Variants in WDR76 observed in about 807,000 individuals in gnomAD.
The protein encoded by WDR76 is WD repeat-containing protein 76.
In WDR76, 52 loss-of-function variants were observed where a neutral mutation model predicts 70.2. The observed-to-expected ratio is 0.74, with a 90% CI of 0.59 to 0.93. The LOEUF (loss-of-function observed/expected upper bound fraction) is 0.93, where lower values mean the gene tolerates loss of function less well. WDR76 is among the 40% of genes least tolerant of loss of function. The pLI is 0.00. For missense variants in WDR76, 756 were observed against 760.2 expected (o/e 0.99, Z 0.07); for synonymous variants, 292 against 271.1 (o/e 1.08, Z -0.76).
chr15:43,857,036 A>G lies in WDR76; in HGVS notation c.1282A>G (p.Met428Val). Residue 428 changes from methionine (M) to valine (V), a missense_variant, in exon 10 of 13, where the codon ATG becomes GTG. Coordinates refer to ENST00000263795, the MANE Select transcript of WDR76 (RefSeq NM_024908.4). The stretch of plus-strand genomic sequence containing the variant: ...AATAGTAGGACACTGGGATGGAAAT[A>G]TGTCACTGGTGGATAGACGGACACC... ...TLIVGHWDGN[M>V]SLVDRRTPGT... is the part of the protein sequence containing the mutation. 1.2e-6 allele frequency: 2 copies of G among 1,614,144 alleles called. No homozygotes were observed. Among genetic ancestry groups the G allele is most frequent in the Non-Finnish European group, 1.7e-6 (2 of 1,180,006 alleles).
Position 43,851,098 on chromosome 15 carries a change from T to C in WDR76, c.1044T>C (p.Pro348=), listed in dbSNP as rs1341480142. 2 of 1,614,092 alleles carry C rather than the reference T, an allele frequency of 1.2e-6. No individual in the cohort carries two copies. The highest frequency in any genetic ancestry group is 2.2e-5 in the South Asian group (2 of 91,074). Residue 348 remains proline (P), a synonymous_variant, in exon 9 of 13, where the codon CCT becomes CCC. Coordinates refer to ENST00000263795, the MANE Select transcript of WDR76 (RefSeq NM_024908.4). ...CAACTCTCTTCCAGACCCAGCAACCTAAAGAAGATGGAGTTTATGTTTTTC... is the reference window on the plus strand; with the variant it reads ...CAACTCTCTTCCAGACCCAGCAACCCAAAGAAGATGGAGTTTATGTTTTTC... ...QVGLCDLTQQ[P]KEDGVYVFHP...
chr15:43,844,816 T>C (rs2087767272), intron 8 of WDR76, among the ~76,000 whole-genome samples: 1 of 144,050 alleles, frequency 6.9e-6, no homozygotes, highest in Non-Finnish European at 1.5e-5. Flanking sequence ...TAGTCCCAGC[T>C]ACTCGGGAGG....
chr15:43,839,669 C>A lies in WDR76; in HGVS notation c.673C>A (p.Pro225Thr). The change falls in exon 5 of 13, where the codon CCT becomes ACT. Residue 225 changes from proline to threonine, a missense_variant. Coordinates refer to ENST00000263795, the MANE Select transcript of WDR76 (RefSeq NM_024908.4). The stretch of plus-strand genomic sequence containing the variant: ...GTCAATGCGATTACTAAAAGTTGAT[C>A]CTTCGGGAGTTTCATTACCAGCAGC... ...RRSMRLLKVD[P>T]SGVSLPAAPT... 1 of 1,612,390 alleles carries A rather than the reference C, an allele frequency of 6.2e-7. No individual in the cohort carries two copies. Among genetic ancestry groups the A allele is most frequent in the Non-Finnish European group, 8.5e-7 (1 of 1,178,952 alleles).
Position 43,828,099 on chromosome 15 carries a change from G to T in WDR76, c.195G>T (p.Met65Ile), listed in dbSNP as rs149587429. The T allele has an allele frequency of 6.5e-5, 105 of 1,614,122 alleles. No homozygotes were observed. The African/African-American group carries it at 1.3e-3, about 19-fold the overall frequency. The change falls in exon 2 of 13, where the codon ATG (methionine) becomes ATT (isoleucine). Residue 65 changes from methionine to isoleucine, a missense_variant. Physicochemically the swap from Met to Ile is conservative, Grantham distance 10. Coordinates refer to ENST00000263795, the MANE Select transcript of WDR76 (RefSeq NM_024908.4). Reference sequence around the variant, plus strand: ...GTAATTACCAGCTAGACCAGCTTATGTGCCCCAAATCCCTATCAGAAAAGA... The same window carrying T: ...GTAATTACCAGCTAGACCAGCTTATTTGCCCCAAATCCCTATCAGAAAAGA... Reference protein sequence around the residue: ...SLSNYQLDQLMCPKSLSEKNS... With the variant: ...SLSNYQLDQLICPKSLSEKNS...
Position 43,849,876 on chromosome 15 carries a change from A to G in WDR76, c.1033-1211A>G, listed in dbSNP as rs539223930. On this transcript the variant is annotated intron_variant, in intron 8 of 12. Transcript: ENST00000263795. The stretch of plus-strand genomic sequence containing the variant: ...AACTTCCATCTTTGTACATTTCTGC[A>G]TTGTTTGAGTTCTTTATACCAAGAG... Among the ~76,000 whole-genome samples the G allele has an allele frequency of 2.0e-5, 3 of 152,236 alleles. No individual in the cohort carries two copies. The East Asian group carries it at 5.8e-4, about 29-fold the overall frequency.
At chr15:43,839,198 C>T (rs2087692574) in intron 4 of WDR76, among the ~76,000 whole-genome samples, 1 of 152,122 alleles carries the variant, frequency 6.6e-6, no homozygotes, top group African/African-American at 2.4e-5. Context: ...GGCCTTTTCC[C>T]TAGAAGTAGT....
At chr15:43,861,706 C>A (rs936229780) in intron 12 of WDR76, among the ~76,000 whole-genome samples, 2 of 152,142 alleles carry the variant, frequency 1.3e-5, no homozygotes, top group Non-Finnish European at 2.9e-5. Flanking sequence ...TACTCACTTG[C>A]TGATGAGGCT....
intron 8 of WDR76, among the ~76,000 whole-genome samples, chr15:43,847,834 G>T (rs995722482): frequency 6.6e-6 from 1 of 152,150 alleles, no homozygotes; most frequent in Non-Finnish European, 1.5e-5. Flanking sequence ...TGCGATTACA[G>T]GCGTGAGCCA....
At chr15:43,853,469 G>C (rs563788015) in intron 9 of WDR76, among the ~76,000 whole-genome samples, 3 of 152,232 alleles carry the variant, frequency 2.0e-5, no homozygotes, top group East Asian at 3.9e-4. Flanking sequence ...GGTATTACAG[G>C]CATGAGCCAC....
chr15:43,864,843 C>T (rs948495485), intron 12 of WDR76, among the ~76,000 whole-genome samples: 17 of 152,244 alleles, frequency 1.1e-4, no homozygotes, highest in Admixed American at 1.1e-3. Flanking sequence ...ATCCACCTTC[C>T]TCAGCCCCGC....
At chr15:43,849,643 A>G (rs1229567974) in intron 8 of WDR76, among the ~76,000 whole-genome samples, 2 of 152,104 alleles carry the variant, frequency 1.3e-5, no homozygotes, top group South Asian at 2.1e-4. Context: ...GGTTCAAGCA[A>G]TTCTCTGCCT....
chr15:43,839,362 T>C (rs1257076781), intron 4 of WDR76, among the ~76,000 whole-genome samples: 1 of 152,248 alleles, frequency 6.6e-6, no homozygotes. Context: ...ATTCTTTTTA[T>C]GGCTGCGTAT....
intron 2 of WDR76, 65 bp from the exon 3 acceptor site, chr15:43,834,996 T>C: frequency 7.4e-7 from 1 of 1,346,880 alleles, no homozygotes; most frequent in South Asian, 1.2e-5. Flanking sequence ...AAACATGTAG[T>C]TTTGTGAAGT....
chr15:43,829,613 T>C (rs2087562235), intron 2 of WDR76, among the ~76,000 whole-genome samples: 1 of 149,904 alleles, frequency 6.7e-6, no homozygotes, highest in Non-Finnish European at 1.5e-5. Context: ...TTCACACCAT[T>C]CTCCTGCCTC....
At chr15:43,830,562 CAAAA>C (rs1244207750) in intron 2 of WDR76, among the ~76,000 whole-genome samples, 4 of 49,242 alleles carry the variant, frequency 8.1e-5, no homozygotes, top group Non-Finnish European at 1.3e-4. Flanking sequence ...AACTCCGTCT[CAAAA>C]AAAAAAAAAA....
Position 43,851,144 on chromosome 15 carries a change from A to G in WDR76, c.1090A>G (p.Ser364Gly). 6.2e-7 allele frequency: 1 copy of G among 1,614,126 alleles called. No homozygotes were observed. Among genetic ancestry groups the G allele is most frequent in the South Asian group, 1.1e-5 (1 of 91,078 alleles). Reference sequence around the variant, plus strand: ...TTTTCATCCCCATAGTCAGCCAGTTAGCTGTCTTTACTTCTCACCCGCCAA... The same window carrying G: ...TTTTCATCCCCATAGTCAGCCAGTTGGCTGTCTTTACTTCTCACCCGCCAA... ...YVFHPHSQPVSCLYFSPANPA... is the reference protein window; with the variant it reads ...YVFHPHSQPVGCLYFSPANPA... Residue 364 changes from serine (S) to glycine (G), a missense_variant, in exon 9 of 13, where the codon AGC becomes GGC. Transcript: ENST00000263795.
chr15:43,831,411 T>C (rs1342422666), intron 2 of WDR76, among the ~76,000 whole-genome samples: 1 of 151,920 alleles, frequency 6.6e-6, no homozygotes, highest in East Asian at 1.9e-4. Flanking sequence ...AGTGCTGGGA[T>C]TACAGATGTG....
intron 8 of WDR76, among the ~76,000 whole-genome samples, chr15:43,849,726 C>T (rs1010222453): frequency 1.3e-5 from 2 of 151,942 alleles, no homozygotes; most frequent in South Asian, 2.1e-4. Flanking sequence ...TTAGTAGAGA[C>T]GGGGTTTCAC....
intron 7 of WDR76, among the ~76,000 whole-genome samples, chr15:43,843,007 CTTTTTCTTTTTTT>C (rs1170443962): frequency 7.5e-6 from 1 of 133,616 alleles, no homozygotes; most frequent in Non-Finnish European, 1.6e-5. Flanking sequence ...ACACTTTTTT[CTTTTTCTTTTTTT>C]TTTTTTTTTT....
Sources: gnomAD v4.1 joint callset for allele counts (sites outside exome capture counted in the v4.1 genomes callset) on GRCh38, gnomAD v4.1.1 for gene constraint, MANE v1.5 for transcripts, NCBI Gene and HGNC (gene_info 2026-07-23, HGNC 2026-07-21) for gene names.